KIF13A: variants seen among roughly 807,000 people sequenced by gnomAD.
The protein encoded by KIF13A is kinesin-like protein KIF13A.
A neutral mutation model predicts 212.2 loss-of-function variants in KIF13A; 79 were observed. The ratio of observed to expected loss-of-function variants is 0.37; its 90% CI spans 0.31 to 0.45. The LOEUF is 0.45. KIF13A is among the 20% of genes least tolerant of loss of function. The probability of loss-of-function intolerance (pLI) is 1.00; values close to 1 mark genes in which losing one functional copy is unlikely to be tolerated. For missense variants in KIF13A, 1,901 were observed against 2,209.0 expected, an observed-to-expected ratio of 0.86 and a Z score of 2.79; for synonymous variants, 789 against 808.6, an observed-to-expected ratio of 0.98 and a Z score of 0.41.
intron 2 of KIF13A, among the ~76,000 whole-genome samples, chr6:17,945,430 G>A (rs1777303919): frequency 6.6e-6 from 1 of 151,940 alleles, no homozygotes; most frequent in South Asian, 2.1e-4. Flanking sequence ...TCTAGGTCCG[G>A]AGTTTAACTT....
rs1353542344 is a variant in KIF13A, at chr6:17,828,573, C to G, written c.1402-203G>C. ...TTAAAAAAAAATGTTTAAACACTAC[C>G]AAAAAAAATCCCCAATCAACAATGA... On this transcript the variant is annotated intron_variant, in intron 13 of 38. Coordinates refer to ENST00000259711, the MANE Select transcript of KIF13A (RefSeq NM_022113.6). This position sits in a 1 kb window ranked among gnomAD's most constrained non-coding sequence, Gnocchi z 4.3. 6.6e-6 allele frequency among the ~76,000 whole-genome samples: 1 copy of G among 151,658 alleles called. No homozygotes were observed. Among genetic ancestry groups the G allele is most frequent in the East Asian group, 1.9e-4 (1 of 5,176 alleles).
At chr6:17,857,890 C>T (rs1341537234) in intron 4 of KIF13A, among the ~76,000 whole-genome samples, 2 of 151,970 alleles carry the variant, frequency 1.3e-5, no homozygotes, top group Admixed American at 1.3e-4. Context: ...AAGTTAAATG[C>T]CCGTAAGTAT....
Position 17,763,800 on chromosome 6 carries a change from G to A in KIF13A, c.*310C>T, listed in dbSNP as rs1382342832. The A allele has an allele frequency of 1.8e-6, 2 of 1,129,728 alleles. No homozygotes were observed. Among genetic ancestry groups the A allele is most frequent in the Admixed American group, 8.7e-5 (2 of 22,996 alleles). 70.0% of individuals were successfully genotyped at this position (1,129,728 alleles called of 1,614,324 possible). On this transcript the variant is annotated 3_prime_UTR_variant, in exon 39 of 39. Transcript: ENST00000259711. ...ACAGATTTGATGAAATATGGTAGAT[G>A]CTACCAGAACACTTTGGGAAAACTG... is the stretch of plus-strand genomic sequence containing the variant.
At chr6:17,876,876 C>A (rs1265650768) in intron 3 of KIF13A, among the ~76,000 whole-genome samples, 1 of 152,144 alleles carries the variant, frequency 6.6e-6, no homozygotes, top group Non-Finnish European at 1.5e-5. Flanking sequence ...TTCAAGCAAT[C>A]CTCCCACCTT....
intron 2 of KIF13A, among the ~76,000 whole-genome samples, chr6:17,945,265 G>C (rs1046570029): frequency 3.3e-5 from 5 of 152,120 alleles, no homozygotes; most frequent in Admixed American, 6.6e-5. Context: ...ATACAGAAGA[G>C]CACATACTGT....
At chr6:17,902,799 T>C (rs1353456854) in intron 2 of KIF13A, among the ~76,000 whole-genome samples, 1 of 152,242 alleles carries the variant, frequency 6.6e-6, no homozygotes, top group Admixed American at 6.5e-5. Flanking sequence ...GAGTCTCATA[T>C]ATCTTTAAGA....
rs1770059053 is a variant in KIF13A at position 17,872,039 on chromosome 6, T to C, written c.220+1338A>G. On this transcript the variant is annotated intron_variant, in intron 4 of 38. Coordinates refer to ENST00000259711, the MANE Select transcript of KIF13A (RefSeq NM_022113.6). This position sits in a 1 kb window ranked among gnomAD's most constrained non-coding sequence, Gnocchi z 4.7. ...CCAAAGGACTGATAAAAAGACAAAT[T>C]AATTACAACCAACATTATGAACTAC... is the stretch of plus-strand genomic sequence containing the variant. Among the ~76,000 whole-genome samples, 1 of 152,178 alleles carries C rather than the reference T, an allele frequency of 6.6e-6. No individual in the cohort carries two copies. The highest frequency in any genetic ancestry group is 6.5e-5 in the Admixed American group (1 of 15,278).
intron 2 of KIF13A, among the ~76,000 whole-genome samples, chr6:17,946,404 C>A (rs1407195639): frequency 6.7e-6 from 1 of 148,512 alleles, no homozygotes; most frequent in Non-Finnish European, 1.5e-5. Flanking sequence ...TTAATATACA[C>A]AATATATAAG....
chr6:17,915,951 AAAT>A lies in KIF13A; in HGVS notation c.147-17774_147-17772del, dbSNP rs1774467841. Among the ~76,000 whole-genome samples the A allele has an allele frequency of 2.4e-5, 3 of 127,340 alleles. No individual in the cohort carries two copies. The highest frequency in any genetic ancestry group is 2.6e-4 in the South Asian group (1 of 3,818). 83.5% of individuals were successfully genotyped at this position (127,340 alleles called of 152,430 possible). ...GAGCCAGTCTCAAAAAAAAAAATAA[AAAT>A]AAAAATAAAATAAAATAAAATAAAT... On this transcript the variant is annotated intron_variant, in intron 2 of 38. Transcript: ENST00000259711. This position sits in a 1 kb window ranked among gnomAD's most constrained non-coding sequence, Gnocchi z 4.4.
chr6:17,917,444 T>C lies in KIF13A; in HGVS notation c.147-19264A>G, dbSNP rs183035050. On this transcript the variant is annotated intron_variant, in intron 2 of 38. Transcript: ENST00000259711. ...TTAGTAGAGACGGGGTTTCGCTATGTTGCCCAGGCTGGTTTCAAACCCCTG... is the reference window on the plus strand; with the variant it reads ...TTAGTAGAGACGGGGTTTCGCTATGCTGCCCAGGCTGGTTTCAAACCCCTG... 7.2e-5 allele frequency among the ~76,000 whole-genome samples: 11 copies of C among 152,162 alleles called. No homozygotes were observed. In the East Asian group the frequency reaches 1.7e-3, roughly 24 times the overall value.
At position 17,863,588 on chromosome 6, in the gene KIF13A, G is replaced by A. The variant is rs192120965; in HGVS notation, c.221-7466C>T. On this transcript the variant is annotated intron_variant, in intron 4 of 38. Transcript: ENST00000259711. ...GCACCACTGGTATAGGAAAAAGAAC[G>A]ATAAAAAAGGCCAAATTGTCAACCA... Among the ~76,000 whole-genome samples, 851 of 152,020 alleles carry A rather than the reference G, an allele frequency of 5.6e-3. 13 individuals carry two copies. The highest frequency in any genetic ancestry group is 0.019 in the African/African-American group (787 of 41,490).
chr6:17,836,601 A>T (rs1468054313), intron 11 of KIF13A, among the ~76,000 whole-genome samples: 2 of 152,194 alleles, frequency 1.3e-5, no homozygotes, highest in Non-Finnish European at 2.9e-5. Flanking sequence ...TGGGTAATTT[A>T]TAAAGAAAAG....
chr6:17,909,448 ATCGCTGAAC>A (rs1773826669), intron 2 of KIF13A, among the ~76,000 whole-genome samples: 1 of 151,204 alleles, frequency 6.6e-6, no homozygotes, highest in African/African-American at 2.4e-5. Context: ...AGGCAGGAGA[ATCGCTGAAC>A]CCAGGAGGCG....
chr6:17,895,664 C>T lies in KIF13A; in HGVS notation c.159+2504G>A, dbSNP rs774509787. On this transcript the variant is annotated intron_variant, in intron 3 of 38. Coordinates refer to ENST00000259711, the MANE Select transcript of KIF13A (RefSeq NM_022113.6). This position sits in a 1 kb window ranked among gnomAD's most constrained non-coding sequence, Gnocchi z 4.4. ...CTTTGTCCTCCTCAGCCCCACAAAGCAGTCAGCAATATGCATTTGCTCTGT... is the reference window on the plus strand; with the variant it reads ...CTTTGTCCTCCTCAGCCCCACAAAGTAGTCAGCAATATGCATTTGCTCTGT... 1.3e-5 allele frequency among the ~76,000 whole-genome samples: 2 copies of T among 152,216 alleles called. No homozygotes were observed. The highest frequency in any genetic ancestry group is 2.9e-5 in the Non-Finnish European group (2 of 68,034).
Position 17,764,760 on chromosome 6 carries a change from G to T in KIF13A, c.4768C>A (p.Pro1590Thr). Residue 1590 changes from proline to threonine, a missense_variant, in exon 39 of 39, where the codon CCT (proline) becomes ACT (threonine). Physicochemically the swap from Pro to Thr is conservative, Grantham distance 38. Around this residue, in one of 5 missense-constraint regions of KIF13A, gnomAD observed 687 missense variants for 759.1 expected, o/e 0.90. Coordinates refer to ENST00000259711, the MANE Select transcript of KIF13A (RefSeq NM_022113.6). This position sits in a 1 kb window ranked among gnomAD's most constrained non-coding sequence, Gnocchi z 5.1. ...RVLEKEVSRSPTTSSITSGYF... is the reference protein window; with the variant it reads ...RVLEKEVSRSTTTSSITSGYF... Reference sequence around the variant, plus strand: ...CCACTGGTAATACTGCTGGTGGTAGGGCTACGGGACACTTCTTTCTCCAAG... The same window carrying T: ...CCACTGGTAATACTGCTGGTGGTAGTGCTACGGGACACTTCTTTCTCCAAG... 6.2e-7 allele frequency: 1 copy of T among 1,613,064 alleles called. No individual in the cohort carries two copies. The highest frequency in any genetic ancestry group is 8.5e-7 in the Non-Finnish European group (1 of 1,179,512).
rs779782546 is a variant in KIF13A, at chr6:17,849,388, G to C, written c.819C>G (p.Ser273Arg). The change falls in exon 9 of 39, where the codon AGC becomes AGG. Residue 273 changes from serine to arginine, a missense_variant. Around this residue, in one of 5 missense-constraint regions of KIF13A, gnomAD observed 506 missense variants for 637.4 expected, o/e 0.79. Transcript: ENST00000259711. This position sits in a 1 kb window ranked among gnomAD's most constrained non-coding sequence, Gnocchi z 5.7. Reference protein sequence around the residue: ...GAAGERLKEGSNINKSLTTLG... With the variant: ...GAAGERLKEGRNINKSLTTLG... ...ACCAGCCACCTTACTTGTTAATGTT[G>C]CTGCCTTCTTTCAGTCGCTCTCCTG... 6.2e-7 allele frequency: 1 copy of C among 1,611,984 alleles called. No homozygotes were observed. Among genetic ancestry groups the C allele is most frequent in the East Asian group, 2.2e-5 (1 of 44,852 alleles).
chr6:17,800,628 T>C (rs2150332934), intron 20 of KIF13A, among the ~76,000 whole-genome samples: 1 of 149,020 alleles, frequency 6.7e-6, no homozygotes, highest in Non-Finnish European at 1.5e-5. Context: ...TGAGACAATG[T>C]CTAGCTCTGT....
intron 16 of KIF13A, among the ~76,000 whole-genome samples, chr6:17,818,280 T>C (rs981739150): frequency 2.6e-5 from 4 of 152,174 alleles, no homozygotes; most frequent in African/African-American, 7.2e-5. Flanking sequence ...TTCCCACACA[T>C]TGGCACTCAG....
rs774472191 is a variant in KIF13A, at chr6:17,779,063, G to C, written c.3976C>G (p.Leu1326Val). 1.2e-6 allele frequency: 2 copies of C among 1,613,630 alleles called. No homozygotes were observed. The highest frequency in any genetic ancestry group is 3.3e-5 in the Admixed American group (2 of 59,952). Residue 1326 changes from leucine (L) to valine (V), a missense_variant, in exon 33 of 39, where the codon CTC (leucine) becomes GTC (valine). This residue lies in a region of KIF13A where 687 missense variants were observed against 759.1 expected (regional missense o/e 0.90). Coordinates refer to ENST00000259711, the MANE Select transcript of KIF13A (RefSeq NM_022113.6). ...EEIEDRETLA[L>V]LAARSENEGT... is the part of the protein sequence containing the mutation. Reference sequence around the variant, plus strand: ...TCGTTTTCACTCCTTGCTGCCAGGAGAGCCAGCGTTTCCCGGTCCTCTATC... The same window carrying C: ...TCGTTTTCACTCCTTGCTGCCAGGACAGCCAGCGTTTCCCGGTCCTCTATC...
Sources: gnomAD v4.1 joint callset for allele counts (sites outside exome capture counted in the v4.1 genomes callset) on GRCh38, gnomAD v4.1.1 for gene constraint, gnomAD v4.1.1 regional missense constraint, Gnocchi (gnomAD v3.1) non-coding constraint, MANE v1.5 for transcripts, NCBI Gene and HGNC (gene_info 2026-07-23, HGNC 2026-07-21) for gene names.